HOMER2: variants seen among roughly 807,000 people sequenced by gnomAD.
The protein encoded by HOMER2 is homer scaffold protein 2.
HOMER2 carries 27 observed loss-of-function variants against 47.0 expected under a neutral mutation model. The ratio of observed to expected loss-of-function variants is 0.57; its 90% CI spans 0.42 to 0.79. The LOEUF (loss-of-function observed/expected upper bound fraction) is 0.79. Among genes scored for constraint, HOMER2 ranks in the 30% least tolerant of loss-of-function variants. The probability of loss-of-function intolerance (pLI) is 0.00; values close to 1 mark genes in which losing one functional copy is unlikely to be tolerated. For missense variants in HOMER2, 443 were observed against 435.0 expected, an observed-to-expected ratio of 1.02 and a Z score of -0.16; for synonymous variants, 161 against 163.8, an observed-to-expected ratio of 0.98 and a Z score of 0.13.
At chr15:82,847,006 T>C (rs1191267839), downstream of HOMER2, 2 of 152,216 alleles carry the variant, frequency 1.3e-5, no homozygotes, top group African/African-American at 4.8e-5. Context: ...TATCAAGGTA[T>C]AGCAGCCAGT....
At chr15:82,854,300 G>C (rs1161129613) in intron 6 of HOMER2, among the ~76,000 whole-genome samples, 1 of 152,150 alleles carries the variant, frequency 6.6e-6, no homozygotes, top group Non-Finnish European at 1.5e-5. Flanking sequence ...AGCTACTTCG[G>C]AGGCTGAGGC....
intron 4 of HOMER2, among the ~76,000 whole-genome samples, chr15:82,859,493 T>C (rs1278961016): frequency 2.0e-5 from 3 of 151,990 alleles, no homozygotes. Context: ...CCCACCAAAC[T>C]TGGGAGACCT....
At chr15:82,921,016 C>T (rs1298332055) in intron 1 of HOMER2, among the ~76,000 whole-genome samples, 1 of 152,112 alleles carries the variant, frequency 6.6e-6, no homozygotes, top group African/African-American at 2.4e-5. Flanking sequence ...GATTTTCAGA[C>T]GGGCATGGTG....
At chr15:82,867,889 G>T (rs925973224) in intron 3 of HOMER2, among the ~76,000 whole-genome samples, 1 of 152,096 alleles carries the variant, frequency 6.6e-6, no homozygotes, top group African/African-American at 2.4e-5. Flanking sequence ...AACCCAGTGG[G>T]CCCTAGGAGA....
At chr15:82,936,316 C>A (rs1171289815) in intron 1 of HOMER2, among the ~76,000 whole-genome samples, 1 of 152,160 alleles carries the variant, frequency 6.6e-6, no homozygotes, top group South Asian at 2.1e-4. Context: ...GCACAACCTG[C>A]AGTTATTTTA....
At chr15:82,932,657 C>T (rs1040004885) in intron 1 of HOMER2, among the ~76,000 whole-genome samples, 3 of 152,066 alleles carry the variant, frequency 2.0e-5, no homozygotes, top group South Asian at 2.1e-4. Context: ...AGAATTAATG[C>T]GCTGCCTCCT....
At chr15:82,956,960 C>A (rs1036877516), upstream of HOMER2, among the ~76,000 whole-genome samples, 1 of 152,070 alleles carries the variant, frequency 6.6e-6, no homozygotes, top group African/African-American at 2.4e-5. Flanking sequence ...TACGAAGTGG[C>A]GATATCTCTT....
At chr15:82,891,075 T>C (rs1478853310) in intron 2 of HOMER2, among the ~76,000 whole-genome samples, 2 of 152,130 alleles carry the variant, frequency 1.3e-5, no homozygotes, top group Admixed American at 6.5e-5. Context: ...CATCCTACTA[T>C]CATCCTGCTT....
At chr15:82,892,637 T>A (rs2052749603) in intron 2 of HOMER2, 48 bp downstream of exon 2, 1 of 1,409,602 alleles carries the variant, frequency 7.1e-7, no homozygotes, top group Non-Finnish European at 9.4e-7. Context: ...GCATCTTGGA[T>A]GAAAGATAAG....
chr15:82,894,515 C>CA (rs1292244576), intron 1 of HOMER2, among the ~76,000 whole-genome samples: 1 of 151,602 alleles, frequency 6.6e-6, no homozygotes, highest in African/African-American at 2.4e-5. Flanking sequence ...ACTAAAAATA[C>CA]AAAAAATTAG....
chr15:82,942,363 A>G (rs1357881866), intron 1 of HOMER2, among the ~76,000 whole-genome samples: 3 of 152,218 alleles, frequency 2.0e-5, no homozygotes, highest in African/African-American at 7.2e-5. Flanking sequence ...AAGGGTGATC[A>G]GAAAGGAATT....
intron 1 of HOMER2, among the ~76,000 whole-genome samples, chr15:82,906,289 G>A (rs568068313): frequency 7.9e-5 from 12 of 152,006 alleles, no homozygotes; most frequent in Non-Finnish European, 1.6e-4. Flanking sequence ...CAAAGAACAC[G>A]GGCAACAAAT....
At chr15:82,965,336 A>G (rs2054663896) in intron 1 of HOMER2, among the ~76,000 whole-genome samples, 1 of 152,186 alleles carries the variant, frequency 6.6e-6, no homozygotes, top group African/African-American at 2.4e-5. Flanking sequence ...TCTAAATTAG[A>G]TGAATTTATT....
At chr15:82,870,558 A>G (rs2052143992) in intron 3 of HOMER2, among the ~76,000 whole-genome samples, 2 of 152,204 alleles carry the variant, frequency 1.3e-5, no homozygotes, top group Non-Finnish European at 1.5e-5. Flanking sequence ...ACTTCTTCAC[A>G]TGAGAGGAAA....
At chr15:82,896,286 G>T (rs1163092204) in intron 1 of HOMER2, among the ~76,000 whole-genome samples, 1 of 152,194 alleles carries the variant, frequency 6.6e-6, no homozygotes, top group African/African-American at 2.4e-5. Flanking sequence ...GCAAAGTGGA[G>T]AGATGGAGGG....
At chr15:82,858,808 ACTCT>A (rs915143074) in intron 5 of HOMER2, among the ~76,000 whole-genome samples, 8 of 151,580 alleles carry the variant, frequency 5.3e-5, no homozygotes, top group African/African-American at 1.9e-4. Context: ...ACACACACAC[ACTCT>A]CTATTTCCCA....
At chr15:82,979,896 G>A (rs192109047) in intron 1 of HOMER2, among the ~76,000 whole-genome samples, 7 of 152,220 alleles carry the variant, frequency 4.6e-5, no homozygotes, top group African/African-American at 1.7e-4. Flanking sequence ...TGAGTCTAGA[G>A]CTCATATGTG....
At chr15:82,879,123 G>A (rs139302993) in intron 2 of HOMER2, among the ~76,000 whole-genome samples, 2 of 152,092 alleles carry the variant, frequency 1.3e-5, no homozygotes, top group East Asian at 3.9e-4. Flanking sequence ...TGTCCATTTG[G>A]CTCTTTCAAA....
At chr15:82,846,039 C>T (rs1281848923), downstream of HOMER2, 1 of 152,304 alleles carries the variant, frequency 6.6e-6, no homozygotes, top group African/African-American at 2.4e-5. Context: ...TGTGCACAGT[C>T]TTCCTGGGTG....
Sources: gnomAD v4.1 joint callset for allele counts (sites outside exome capture counted in the v4.1 genomes callset) on GRCh38, gnomAD v4.1.1 for gene constraint, MANE v1.5 for transcripts, NCBI Gene and HGNC (gene_info 2026-07-23, HGNC 2026-07-21) for gene names.